CDH8: variants seen among roughly 807,000 people sequenced by gnomAD.
CDH8 encodes the protein cadherin-8.
A neutral mutation model predicts 68.1 loss-of-function variants in CDH8; 17 were observed. The ratio of observed to expected loss-of-function variants is 0.25; its 90% CI spans 0.17 to 0.37. CDH8 has a LOEUF of 0.37. CDH8 is among the 10% of genes least tolerant of loss of function. The probability of loss-of-function intolerance (pLI) is 1.00; values close to 1 mark genes in which losing one functional copy is unlikely to be tolerated. For missense variants in CDH8, 763 were observed against 999.3 expected (o/e 0.76, Z 3.19); for synonymous variants, 372 against 365.1 (o/e 1.02, Z -0.21).
chr16:61,668,157 G>A (rs986876758), intron 10 of CDH8, among the ~76,000 whole-genome samples: 3 of 151,876 alleles, frequency 2.0e-5, no homozygotes, highest in Non-Finnish European at 4.4e-5. Context: ...TCCATACTTT[G>A]AGCCTCAACG....
chr16:61,666,797 C>T (rs772116914), intron 10 of CDH8, among the ~76,000 whole-genome samples: 14 of 151,826 alleles, frequency 9.2e-5, no homozygotes, highest in Non-Finnish European at 1.3e-4. Flanking sequence ...TTCTTATCAC[C>T]GTGTTGTGTC....
In CDH8 at chr16:61,929,489, C is replaced by T. The variant is rs539616932; in HGVS notation, c.253-28016G>A. Among the ~76,000 whole-genome samples, 34 of 152,250 alleles carry T rather than the reference C, an allele frequency of 2.2e-4. No homozygotes were observed. In the South Asian group the frequency reaches 6.6e-3, roughly 30 times the overall value. Reference sequence around the variant, plus strand: ...TGGATTCGAGATTCTTATGAAGAGACCTATTATACTGACTGAGCTTACCAG... The same window carrying T: ...TGGATTCGAGATTCTTATGAAGAGATCTATTATACTGACTGAGCTTACCAG... On this transcript the variant is annotated intron_variant, in intron 2 of 11. Transcript: ENST00000577390.
At chr16:61,743,009 C>T (rs1343110961) in intron 8 of CDH8, 1 of 152,000 alleles carries the variant, frequency 6.6e-6, no homozygotes, top group Non-Finnish European at 1.5e-5. Context: ...TTTAAACTCG[C>T]CTCTATCACA....
intron 3 of CDH8, among the ~76,000 whole-genome samples, chr16:61,899,049 T>C (rs1963920036): frequency 6.6e-6 from 1 of 152,168 alleles, no homozygotes; most frequent in African/African-American, 2.4e-5. Context: ...TACATAGGTA[T>C]GCACGTGCCA....
intron 2 of CDH8, among the ~76,000 whole-genome samples, chr16:61,962,162 A>T (rs138280704): frequency 2.6e-5 from 4 of 152,280 alleles, no homozygotes; most frequent in African/African-American, 9.6e-5. Context: ...GCTGAAGAGG[A>T]GGAGGAGGAG....
intron 10 of CDH8, among the ~76,000 whole-genome samples, chr16:61,668,355 T>G (rs1454646433): frequency 2.0e-5 from 3 of 151,940 alleles, no homozygotes; most frequent in Non-Finnish European, 4.4e-5. Context: ...TTAATTAGTA[T>G]GCTTGCTCTT....
intron 8 of CDH8, among the ~76,000 whole-genome samples, chr16:61,783,043 A>G (rs1309193465): frequency 2.0e-5 from 3 of 149,024 alleles, no homozygotes; most frequent in African/African-American, 4.9e-5. Flanking sequence ...TCCTCCTCCA[A>G]AGGAACGCAG....
At chr16:61,817,388 G>A in intron 7 of CDH8, 91 bp downstream of exon 7, 5 of 1,270,718 alleles carry the variant, frequency 3.9e-6, no homozygotes, top group Non-Finnish European at 5.7e-6. Flanking sequence ...ATAGTCCCAA[G>A]GAGAGCCCCA....
chr16:61,899,864 AC>A (rs1963937521), intron 3 of CDH8, among the ~76,000 whole-genome samples: 1 of 148,508 alleles, frequency 6.7e-6, no homozygotes, highest in Admixed American at 6.7e-5. Flanking sequence ...ACACACACAC[AC>A]ACGAGTATCT....
intron 7 of CDH8, among the ~76,000 whole-genome samples, chr16:61,813,468 T>C (rs1397726670): frequency 1.3e-5 from 2 of 152,158 alleles, no homozygotes; most frequent in Non-Finnish European, 2.9e-5. Flanking sequence ...ATCTCCGGCC[T>C]GCCCCGCAAG....
At chr16:61,971,341 C>T (rs773315431) in intron 2 of CDH8, among the ~76,000 whole-genome samples, 1 of 152,110 alleles carries the variant, frequency 6.6e-6, no homozygotes, top group Non-Finnish European at 1.5e-5. Flanking sequence ...GATTGACAGG[C>T]TGTATATAAA....
At chr16:61,857,947 A>G (rs1360188007) in intron 3 of CDH8, among the ~76,000 whole-genome samples, 1 of 152,120 alleles carries the variant, frequency 6.6e-6, no homozygotes, top group Non-Finnish European at 1.5e-5. Context: ...TCAGTTAAAG[A>G]GCAAACCTAT....
At chr16:61,816,480 T>C (rs1357648127) in intron 7 of CDH8, among the ~76,000 whole-genome samples, 1 of 152,174 alleles carries the variant, frequency 6.6e-6, no homozygotes, top group Non-Finnish European at 1.5e-5. Context: ...TTGAAAGGGT[T>C]TGGTATGAGC....
At chr16:61,924,304 T>C (rs548833262) in intron 2 of CDH8, among the ~76,000 whole-genome samples, 1 of 152,324 alleles carries the variant, frequency 6.6e-6, no homozygotes, top group South Asian at 2.1e-4. Context: ...CTTGATTATG[T>C]TGAAATATAC....
At chr16:61,788,107 C>G (rs1292108682) in intron 8 of CDH8, among the ~76,000 whole-genome samples, 4 of 148,310 alleles carry the variant, frequency 2.7e-5, no homozygotes, top group Non-Finnish European at 6.0e-5. Context: ...AAAAAAGAAA[C>G]AAACATTCTT....
At chr16:61,865,683 G>T (rs1366358116) in intron 3 of CDH8, among the ~76,000 whole-genome samples, 3 of 152,084 alleles carry the variant, frequency 2.0e-5, no homozygotes, top group African/African-American at 7.2e-5. Flanking sequence ...CACCTTTTTG[G>T]AATTGGGGCG....
At chr16:61,981,576 T>G (rs1289304241) in intron 2 of CDH8, among the ~76,000 whole-genome samples, 1 of 152,198 alleles carries the variant, frequency 6.6e-6, no homozygotes, top group Non-Finnish European at 1.5e-5. Context: ...CCCTTCACTT[T>G]TTGTAGAGGT....
At chr16:61,919,084 A>C (rs1964312041) in intron 2 of CDH8, among the ~76,000 whole-genome samples, 1 of 146,132 alleles carries the variant, frequency 6.8e-6, no homozygotes, top group Non-Finnish European at 1.5e-5. Context: ...GGGTATTCCA[A>C]CAGACCTGCA....
chr16:61,696,361 A>T (rs1040772539), intron 10 of CDH8, among the ~76,000 whole-genome samples: 2 of 152,234 alleles, frequency 1.3e-5, no homozygotes, highest in Non-Finnish European at 2.9e-5. Context: ...CTAAAGCAAT[A>T]GTTTGTGTGA....
Sources: allele counts gnomAD v4.1 joint callset (sites outside exome capture counted in the v4.1 genomes callset), GRCh38; gene constraint gnomAD v4.1.1; transcripts MANE v1.5; gene names NCBI Gene and HGNC (gene_info 2026-07-23, HGNC 2026-07-21).